PSMD14: variants seen among roughly 807,000 people sequenced by gnomAD.
The protein encoded by PSMD14 is proteasome 26S subunit, non-ATPase 14.
Under a neutral mutation model 41.2 loss-of-function variants are expected in PSMD14, and 7 were observed. The ratio of observed to expected loss-of-function variants is 0.17; its 90% CI spans 0.10 to 0.32. The LOEUF (loss-of-function observed/expected upper bound fraction) is 0.32. PSMD14 is among the 10% of genes least tolerant of loss of function. The probability of loss-of-function intolerance (pLI) is 1.00; values close to 1 mark genes in which losing one functional copy is unlikely to be tolerated. For synonymous variants in PSMD14, 114 were observed against 122.3 expected (o/e 0.93, Z 0.45); for missense variants, 139 against 375.6 (o/e 0.37, Z 5.21).
intron 3 of PSMD14, among the ~76,000 whole-genome samples, chr2:161,352,785 G>A (rs1229086881): frequency 6.6e-6 from 1 of 152,106 alleles, no homozygotes; most frequent in Non-Finnish European, 1.5e-5. Flanking sequence ...GAGAAATAAA[G>A]CAAAATGTAA....
intron 3 of PSMD14, among the ~76,000 whole-genome samples, chr2:161,364,874 C>T (rs544746403): frequency 2.7e-4 from 41 of 152,044 alleles, no homozygotes; most frequent in African/African-American, 8.7e-4. Flanking sequence ...GAGACTAAGG[C>T]GGGTGGATTG....
At chr2:161,409,043 T>G in intron 11 of PSMD14, 144 bp downstream of exon 11, 1 of 589,548 alleles carries the variant, frequency 1.7e-6, no homozygotes, top group Non-Finnish European at 2.9e-6. Flanking sequence ...ATTGTAAAGG[T>G]CACTAAATTT....
At chr2:161,338,345 T>G (rs1682897985) in intron 3 of PSMD14, among the ~76,000 whole-genome samples, 1 of 149,660 alleles carries the variant, frequency 6.7e-6, no homozygotes, top group African/African-American at 2.4e-5. Flanking sequence ...AGGAGAGTTT[T>G]TTTTTTTTTT....
chr2:161,323,432 G>C (rs1682639945), intron 3 of PSMD14, among the ~76,000 whole-genome samples: 1 of 152,120 alleles, frequency 6.6e-6, no homozygotes, highest in African/African-American at 2.4e-5. Flanking sequence ...GGGAGACCGA[G>C]GGGGCAGATG....
chr2:161,364,516 C>T (rs539492999), intron 3 of PSMD14, among the ~76,000 whole-genome samples: 18 of 152,130 alleles, frequency 1.2e-4, no homozygotes, highest in African/African-American at 4.1e-4. Flanking sequence ...CCTGCCTTGG[C>T]CCCCCTCCCC....
At chr2:161,360,169 C>T (rs143094436) in intron 3 of PSMD14, among the ~76,000 whole-genome samples, 106 of 151,058 alleles carry the variant, frequency 7.0e-4, no homozygotes, top group African/African-American at 2.3e-3. Context: ...TTTTCCACCC[C>T]GTAACATATA....
chr2:161,317,582 G>A (rs577699559), intron 2 of PSMD14, among the ~76,000 whole-genome samples: 11 of 152,196 alleles, frequency 7.2e-5, no homozygotes, highest in Admixed American at 2.6e-4. Flanking sequence ...TGGCCATATC[G>A]TTTGTTTTCT....
rs1343720194 is a variant in PSMD14 at position 161,308,496 on chromosome 2, CA to C, written c.-245del. The C allele has an allele frequency of 6.6e-6, 1 of 152,344 alleles. No individual in the cohort carries two copies. Among genetic ancestry groups the C allele is most frequent in the Non-Finnish European group, 1.5e-5 (1 of 68,140 alleles). 9.4% of individuals were successfully genotyped at this position (152,344 alleles called of 1,614,324 possible). A position where few individuals can be genotyped will look rare whatever the true frequency, so the allele number is the denominator to read the frequency against. ...GGCTGATTCATCGCCGGTTTGCAGACAGAGCCGCGTCGGGTGTGCGCCGCTG... is the reference window on the plus strand; with the variant it reads ...GGCTGATTCATCGCCGGTTTGCAGACGAGCCGCGTCGGGTGTGCGCCGCTG... On this transcript the variant is annotated 5_prime_UTR_variant, in exon 1 of 12. Coordinates refer to ENST00000409682, the MANE Select transcript of PSMD14 (RefSeq NM_005805.6).
In PSMD14 at chr2:161,342,171, T is replaced by G. The variant is rs367549589; in HGVS notation, c.48+23298T>G. 4.2e-4 allele frequency among the ~76,000 whole-genome samples: 64 copies of G among 152,272 alleles called. 2 individuals carry two copies. The South Asian group carries it at 5.6e-3, about 13-fold the overall frequency. ...TTACTGATCTGACTAGAACCTTTAA[T>G]AAAATGTTAATAGAAGTGGTGAAAT... On this transcript the variant is annotated intron_variant, in intron 3 of 11. Transcript: ENST00000409682.
intron 10 of PSMD14, among the ~76,000 whole-genome samples, chr2:161,398,387 C>A (rs376542846): frequency 6.6e-6 from 1 of 152,026 alleles, no homozygotes; most frequent in Non-Finnish European, 1.5e-5. Context: ...TAAATTCTTA[C>A]GTCCCAAGTT....
chr2:161,364,418 AG>A (rs1683331566), intron 3 of PSMD14, among the ~76,000 whole-genome samples: 1 of 151,952 alleles, frequency 6.6e-6, no homozygotes, highest in Non-Finnish European at 1.5e-5. Context: ...ACATTTGGGG[AG>A]GAAAACAAAA....
At position 161,391,179 on chromosome 2, in the gene PSMD14, G is replaced by A; in HGVS notation, c.645+1G>A. ...TCGGAAAAATGAACTGGAACAGAAG[G>A]TAAGTTTAAATTTTTATCTTATAGG... is the stretch of plus-strand genomic sequence containing the variant. On this transcript the variant is annotated splice_donor_variant, in intron 9 of 11. Transcript: ENST00000409682. LOFTEE classifies it high-confidence loss of function. The A allele has an allele frequency of 6.6e-7, 1 of 1,512,102 alleles. No individual in the cohort carries two copies. Among genetic ancestry groups the A allele is most frequent in the Non-Finnish European group, 8.9e-7 (1 of 1,127,908 alleles). 93.7% of individuals were successfully genotyped at this position (1,512,102 alleles called of 1,614,324 possible). A position where few individuals can be genotyped will look rare whatever the true frequency, so the allele number is the denominator to read the frequency against.
chr2:161,333,077 C>T (rs6738798), intron 3 of PSMD14, among the ~76,000 whole-genome samples: 201 of 152,306 alleles, frequency 1.3e-3, no homozygotes, highest in African/African-American at 4.7e-3. Flanking sequence ...CTGTCTTGTA[C>T]ATTTTTGAAG....
chr2:161,357,076 CT>C (rs71281822), intron 3 of PSMD14, among the ~76,000 whole-genome samples: 15 of 124,172 alleles, frequency 1.2e-4, no homozygotes, highest in Admixed American at 2.4e-4. Context: ...TGGCAAATGC[CT>C]TTTTTTTTTT....
intron 3 of PSMD14, among the ~76,000 whole-genome samples, chr2:161,327,943 A>C (rs1460136681): frequency 6.9e-5 from 2 of 28,998 alleles, no homozygotes; most frequent in Non-Finnish European, 1.6e-4. Flanking sequence ...ATTCTCATGT[A>C]AGCTGTGTGT....
intron 3 of PSMD14, among the ~76,000 whole-genome samples, chr2:161,360,815 C>T (rs778513579): frequency 9.2e-5 from 14 of 151,976 alleles, no homozygotes; most frequent in Non-Finnish European, 1.3e-4. Flanking sequence ...GGATTACAGG[C>T]GTGAGCCACC....
At chr2:161,363,366 T>C (rs1439811543) in intron 3 of PSMD14, among the ~76,000 whole-genome samples, 1 of 152,254 alleles carries the variant, frequency 6.6e-6, no homozygotes, top group African/African-American at 2.4e-5. Context: ...TTGGGACATC[T>C]AGAAATTTAT....
intron 3 of PSMD14, among the ~76,000 whole-genome samples, chr2:161,327,615 C>T (rs1682718236): frequency 6.6e-6 from 1 of 152,008 alleles, no homozygotes; most frequent in Non-Finnish European, 1.5e-5. Flanking sequence ...TTGACTACCT[C>T]AAGACAATAT....
chr2:161,358,391 T>G (rs566901145), intron 3 of PSMD14, among the ~76,000 whole-genome samples: 32 of 152,270 alleles, frequency 2.1e-4, no homozygotes, highest in African/African-American at 6.3e-4. Context: ...ACTTGTGAAA[T>G]CTTTAGTTTC....
Sources: gnomAD v4.1 joint callset for allele counts (sites outside exome capture counted in the v4.1 genomes callset) on GRCh38, gnomAD v4.1.1 for gene constraint, MANE v1.5 for transcripts, NCBI Gene and HGNC (gene_info 2026-07-23, HGNC 2026-07-21) for gene names.